The following PARD3B variants were observed in gnomAD, a reference collection of about 807,000 sequenced individuals.
PARD3B encodes partitioning defective 3 homolog B.
A neutral mutation model predicts 130.2 loss-of-function variants in PARD3B; 103 were observed. The ratio of observed to expected loss-of-function variants is 0.79; its 90% CI spans 0.67 to 0.93. The LOEUF is 0.93. Ranked by LOEUF, PARD3B falls within the 40% of genes least tolerant of loss-of-function variation. The pLI, the probability that PARD3B is intolerant of heterozygous loss-of-function variation, is 0.00. For missense variants in PARD3B, 1,609 were observed against 1,499.2 expected (o/e 1.07, Z -1.21); for synonymous variants, 583 against 553.2 (o/e 1.05, Z -0.76).
intron 22 of PARD3B, among the ~76,000 whole-genome samples, chr2:205,560,714 A>G (rs1046470795): frequency 2.0e-5 from 3 of 152,206 alleles, no homozygotes; most frequent in Non-Finnish European, 2.9e-5. Flanking sequence ...TCCATGTTAC[A>G]TAAGTTACTT....
At chr2:205,471,176 G>T (rs569767162) in intron 20 of PARD3B, among the ~76,000 whole-genome samples, 1 of 152,208 alleles carries the variant, frequency 6.6e-6, no homozygotes, top group East Asian at 1.9e-4. Flanking sequence ...TTTCCTAGAT[G>T]TATTGTAGAT....
intron 2 of PARD3B, among the ~76,000 whole-genome samples, chr2:204,826,490 A>G (rs901988338): frequency 6.6e-6 from 1 of 152,142 alleles, no homozygotes; most frequent in Non-Finnish European, 1.5e-5. Flanking sequence ...GTCTGTTTTT[A>G]TGTATCTATG....
At chr2:205,612,538 G>C (rs1479304644) in intron 22 of PARD3B, among the ~76,000 whole-genome samples, 2 of 152,094 alleles carry the variant, frequency 1.3e-5, no homozygotes, top group African/African-American at 4.8e-5. Context: ...ATTCTGTTAT[G>C]AACAAAATGT....
Position 204,852,551 on chromosome 2 carries a change from G to GA in PARD3B, c.223-112593dup, listed in dbSNP as rs143307732. ...ATTTTGAATTGATATTTAAATACTG[G>GA]AAAAAAAATCTATACACAGCAAGCA... On this transcript the variant is annotated intron_variant, in intron 2 of 22. Coordinates refer to ENST00000406610, the MANE Select transcript of PARD3B (RefSeq NM_001302769.2). Among the ~76,000 whole-genome samples, 1,881 of 150,260 alleles carry GA rather than the reference G, an allele frequency of 0.013. 62 individuals carry two copies. In the East Asian group the frequency reaches 0.15, roughly 12 times the overall value.
intron 15 of PARD3B, among the ~76,000 whole-genome samples, chr2:205,196,019 T>G (rs2036663503): frequency 1.3e-5 from 2 of 152,216 alleles, no homozygotes; most frequent in Admixed American, 1.3e-4. Flanking sequence ...CTGCTCAAGC[T>G]ATTTTAAAGG....
chr2:204,794,686 C>T (rs749971080), intron 2 of PARD3B, among the ~76,000 whole-genome samples: 15 of 152,170 alleles, frequency 9.9e-5, no homozygotes, highest in Non-Finnish European at 1.8e-4. Flanking sequence ...TGTTTTTTAA[C>T]AATTTAATTG....
At chr2:204,930,745 G>A (rs1248174675) in intron 2 of PARD3B, among the ~76,000 whole-genome samples, 1 of 152,050 alleles carries the variant, frequency 6.6e-6, no homozygotes, top group Non-Finnish European at 1.5e-5. Flanking sequence ...CTGAAGCTCT[G>A]TCTTCCAGTG....
intron 1 of PARD3B, among the ~76,000 whole-genome samples, chr2:204,578,607 T>A (rs927405436): frequency 6.6e-6 from 1 of 152,142 alleles, no homozygotes; most frequent in Admixed American, 6.6e-5. Flanking sequence ...TTTATTATAA[T>A]GATGTAATAT....
At chr2:205,238,896 A>ATGTGTGTG (rs1559575204) in intron 15 of PARD3B, among the ~76,000 whole-genome samples, 4 of 130,814 alleles carry the variant, frequency 3.1e-5, no homozygotes, top group Admixed American at 7.7e-5. Context: ...GTATATATAT[A>ATGTGTGTG]TATATATATA....
At chr2:205,066,825 T>C (rs1375255854) in intron 4 of PARD3B, among the ~76,000 whole-genome samples, 3 of 152,150 alleles carry the variant, frequency 2.0e-5, no homozygotes, top group Non-Finnish European at 4.4e-5. Context: ...ATCATCAAGT[T>C]ATTTAAATCA....
At chr2:204,911,838 A>G (rs1320415078) in intron 2 of PARD3B, among the ~76,000 whole-genome samples, 1 of 152,238 alleles carries the variant, frequency 6.6e-6, no homozygotes, top group East Asian at 1.9e-4. Flanking sequence ...GTATGCATAT[A>G]TGAAAACAAT....
chr2:205,277,381 G>A (rs951428855), intron 16 of PARD3B, among the ~76,000 whole-genome samples: 20 of 152,206 alleles, frequency 1.3e-4, no homozygotes, highest in Non-Finnish European at 2.5e-4. Context: ...TCCAAGAGTT[G>A]TGGTGAGGAT....
chr2:205,558,224 G>A lies in PARD3B; in HGVS notation c.3260+4821G>A, dbSNP rs748677267. Among the ~76,000 whole-genome samples, 12 of 152,162 alleles carry A rather than the reference G, an allele frequency of 7.9e-5. No individual in the cohort carries two copies. The highest frequency in any genetic ancestry group is 1.5e-4 in the Non-Finnish European group (10 of 68,020). On this transcript the variant is annotated intron_variant, in intron 22 of 22. Coordinates refer to ENST00000406610, the MANE Select transcript of PARD3B (RefSeq NM_001302769.2). The surrounding 1 kb of genome is among the most constrained non-coding windows in gnomAD (Gnocchi z 4.8). ...GGCTCCTGTCCAGCAAGACTTGGGT[G>A]CAGGAGTAGGCATTGCTCCAGTGGT... is the stretch of plus-strand genomic sequence containing the variant.
At chr2:205,480,292 A>T (rs763251760) in intron 20 of PARD3B, among the ~76,000 whole-genome samples, 1 of 152,150 alleles carries the variant, frequency 6.6e-6, no homozygotes, top group Non-Finnish European at 1.5e-5. Context: ...AATACTCTTC[A>T]TGGAGATTCT....
intron 3 of PARD3B, among the ~76,000 whole-genome samples, chr2:205,039,820 T>C (rs1412014431): frequency 6.6e-6 from 1 of 152,218 alleles, no homozygotes; most frequent in Non-Finnish European, 1.5e-5. Context: ...AGAGGTGTTA[T>C]TCCCCTTACT....
At chr2:205,210,884 A>G (rs2037593420) in intron 15 of PARD3B, among the ~76,000 whole-genome samples, 1 of 152,128 alleles carries the variant, frequency 6.6e-6, no homozygotes, top group Non-Finnish European at 1.5e-5. Flanking sequence ...TAAAGTAAAT[A>G]TCACTTTTTG....
chr2:205,527,709 G>A (rs902904866), intron 21 of PARD3B, among the ~76,000 whole-genome samples: 8 of 152,112 alleles, frequency 5.3e-5, no homozygotes, highest in East Asian at 1.9e-4. Flanking sequence ...TTCATTCTTC[G>A]TATCCGATGA....
At chr2:204,729,735 A>G (rs2039402736) in intron 2 of PARD3B, among the ~76,000 whole-genome samples, 1 of 151,902 alleles carries the variant, frequency 6.6e-6, no homozygotes, top group Admixed American at 6.6e-5. Context: ...ACGCTGTTGT[A>G]TTTTTTATTG....
rs551203575 is a variant in PARD3B, at chr2:205,564,102, G to T, written c.3260+10699G>T. Among the ~76,000 whole-genome samples, 38 of 152,272 alleles carry T rather than the reference G, an allele frequency of 2.5e-4. No homozygotes were observed. The highest frequency in any genetic ancestry group is 8.7e-4 in the African/African-American group (36 of 41,548). On this transcript the variant is annotated intron_variant, in intron 22 of 22. Transcript: ENST00000406610. This position sits in a 1 kb window ranked among gnomAD's most constrained non-coding sequence, Gnocchi z 4.6. Reference sequence around the variant, plus strand: ...AGACTGGGAGATGCAAACAGGTGTGGCTAAGATTGCACACAGAACTAGTGA... The same window carrying T: ...AGACTGGGAGATGCAAACAGGTGTGTCTAAGATTGCACACAGAACTAGTGA...
Sources: gnomAD v4.1 joint callset for allele counts (sites outside exome capture counted in the v4.1 genomes callset) on GRCh38, gnomAD v4.1.1 for gene constraint, Gnocchi (gnomAD v3.1) non-coding constraint, MANE v1.5 for transcripts, NCBI Gene and HGNC (gene_info 2026-07-23, HGNC 2026-07-21) for gene names.